Variants in COLEC12 observed in about 807,000 individuals in gnomAD.
COLEC12 encodes the protein collectin-12.
COLEC12 carries 33 observed loss-of-function variants against 71.1 expected under a neutral mutation model. The ratio of observed to expected loss-of-function variants is 0.46; its 90% CI spans 0.35 to 0.62. The LOEUF (loss-of-function observed/expected upper bound fraction) is 0.62. Among genes scored for constraint, COLEC12 ranks in the 20% least tolerant of loss-of-function variants. The pLI is 0.00. For synonymous variants in COLEC12, 350 were observed against 353.0 expected, an observed-to-expected ratio of 0.99 and a Z score of 0.10; for missense variants, 765 against 916.1, an observed-to-expected ratio of 0.84 and a Z score of 2.13.
chr18:325,042 A>G (rs1231610642), intron 8 of COLEC12, among the ~76,000 whole-genome samples: 1 of 151,938 alleles, frequency 6.6e-6, no homozygotes, highest in African/African-American at 2.4e-5. Flanking sequence ...ATTTAAAATA[A>G]ATTAGCCAGG....
chr18:446,583 G>A (rs1321203638), intron 2 of COLEC12, among the ~76,000 whole-genome samples: 1 of 149,504 alleles, frequency 6.7e-6, no homozygotes, highest in East Asian at 1.9e-4. Context: ...TAAGTAGCCA[G>A]GCATGGGAGC....
chr18:373,703 G>A (rs1001251887), intron 2 of COLEC12, among the ~76,000 whole-genome samples: 3 of 152,074 alleles, frequency 2.0e-5, no homozygotes, highest in African/African-American at 7.2e-5. Context: ...AGAACCCCAG[G>A]GCCTGGGAGA....
chr18:437,914 C>T (rs1240975977), intron 2 of COLEC12, among the ~76,000 whole-genome samples: 1 of 152,130 alleles, frequency 6.6e-6, no homozygotes, highest in Non-Finnish European at 1.5e-5. Context: ...GGATTTAAAG[C>T]TTTGATCTGT....
At chr18:340,705 A>G (rs758636585) in intron 5 of COLEC12, among the ~76,000 whole-genome samples, 5 of 152,268 alleles carry the variant, frequency 3.3e-5, no homozygotes, top group Non-Finnish European at 5.9e-5. Context: ...GACAAGGTAG[A>G]GGAAAAACAG....
intron 2 of COLEC12, among the ~76,000 whole-genome samples, chr18:433,400 G>A (rs894202434): frequency 6.6e-6 from 1 of 152,074 alleles, no homozygotes; most frequent in African/African-American, 2.4e-5. Context: ...GGATGCCTGG[G>A]GCTTCATCTG....
At chr18:457,684 A>G (rs1012309501) in intron 2 of COLEC12, among the ~76,000 whole-genome samples, 8 of 152,004 alleles carry the variant, frequency 5.3e-5, no homozygotes. Flanking sequence ...AGCTCACTAG[A>G]CTCTTCCATG....
intron 2 of COLEC12, among the ~76,000 whole-genome samples, chr18:404,792 T>C (rs918376465): frequency 6.6e-6 from 1 of 152,160 alleles, no homozygotes; most frequent in African/African-American, 2.4e-5. Context: ...GTTTGAACAA[T>C]ATGAAATCAG....
At chr18:400,256 T>G (rs1377427491) in intron 2 of COLEC12, among the ~76,000 whole-genome samples, 1 of 152,156 alleles carries the variant, frequency 6.6e-6, no homozygotes, top group Non-Finnish European at 1.5e-5. Flanking sequence ...GTCCAACTCA[T>G]GCCAATTGTG....
Position 500,560 on chromosome 18 carries a change from G to C in COLEC12, c.-46C>G. On this transcript the variant is annotated 5_prime_UTR_variant, in exon 1 of 10. Transcript: ENST00000400256. The surrounding 1 kb of genome is among the most constrained non-coding windows in gnomAD (Gnocchi z 5.3). ...GCCGGCCGGGGAGCTCCGCGCGAGC[G>C]CCGCGCAGCCGAGGAAGTCGTCCCG... 1 of 1,216,684 alleles carries C rather than the reference G, an allele frequency of 8.2e-7. No homozygotes were observed. Among genetic ancestry groups the C allele is most frequent in the East Asian group, 3.3e-5 (1 of 30,258 alleles). The allele number at this position is 1,216,684 out of a possible 1,614,324, so 75.4% of individuals were successfully genotyped here.
intron 1 of COLEC12, among the ~76,000 whole-genome samples, chr18:499,304 C>T (rs1917772867): frequency 6.6e-6 from 1 of 152,214 alleles, no homozygotes; most frequent in South Asian, 2.1e-4. Flanking sequence ...GGCCATCAGT[C>T]ACCTCCCTTC....
At chr18:405,264 T>C (rs1291649111) in intron 2 of COLEC12, among the ~76,000 whole-genome samples, 1 of 152,230 alleles carries the variant, frequency 6.6e-6, no homozygotes, top group Non-Finnish European at 1.5e-5. Context: ...GTTGGACCCT[T>C]ATGAATAGTT....
intron 2 of COLEC12, among the ~76,000 whole-genome samples, chr18:372,922 T>TC (rs907060600): frequency 6.6e-6 from 1 of 152,054 alleles, no homozygotes; most frequent in East Asian, 1.9e-4. Context: ...TGTTAAACCT[T>TC]CCCCCCATCT....
intron 2 of COLEC12, among the ~76,000 whole-genome samples, chr18:379,689 G>A: frequency 6.6e-6 from 1 of 152,182 alleles, no homozygotes; most frequent in South Asian, 2.1e-4. Context: ...TTAGAGTAAA[G>A]TGGTCTGCTC....
chr18:471,581 C>T (rs996589167), intron 2 of COLEC12, among the ~76,000 whole-genome samples: 4 of 150,534 alleles, frequency 2.7e-5, no homozygotes, highest in South Asian at 2.1e-4. Context: ...ATGAATAAAT[C>T]GAATTTTTAA....
At chr18:349,329 T>G (rs1384556160) in intron 3 of COLEC12, among the ~76,000 whole-genome samples, 3 of 152,212 alleles carry the variant, frequency 2.0e-5, no homozygotes, top group African/African-American at 7.2e-5. Flanking sequence ...CTTGGCAGCT[T>G]TCATGTGTTG....
At chr18:390,952 T>A (rs75558928) in intron 2 of COLEC12, among the ~76,000 whole-genome samples, 8,001 of 152,220 alleles carry the variant, frequency 0.053, 296 homozygotes, top group East Asian at 0.18. Context: ...AGCAAACCCA[T>A]GTCTGTCAGG....
intron 3 of COLEC12, among the ~76,000 whole-genome samples, chr18:349,180 T>C (rs957056229): frequency 1.3e-5 from 2 of 152,076 alleles, no homozygotes; most frequent in Admixed American, 6.5e-5. Flanking sequence ...GAGAAAATGG[T>C]TTCGTGGGCC....
At chr18:459,460 T>C (rs559940862) in intron 2 of COLEC12, among the ~76,000 whole-genome samples, 2 of 152,228 alleles carry the variant, frequency 1.3e-5, no homozygotes, top group South Asian at 2.1e-4. Context: ...AGGTAAGGAA[T>C]GGATTTATAA....
At chr18:370,549 A>G (rs1914977568) in intron 2 of COLEC12, among the ~76,000 whole-genome samples, 1 of 152,178 alleles carries the variant, frequency 6.6e-6, no homozygotes, top group African/African-American at 2.4e-5. Context: ...TTTTATTTTT[A>G]ATTTGCAGCA....
Sources: gnomAD v4.1 joint callset for allele counts (sites outside exome capture counted in the v4.1 genomes callset) on GRCh38, gnomAD v4.1.1 for gene constraint, Gnocchi (gnomAD v3.1) non-coding constraint, MANE v1.5 for transcripts, NCBI Gene and HGNC (gene_info 2026-07-23, HGNC 2026-07-21) for gene names.